GULP1: variants seen among roughly 807,000 people sequenced by gnomAD.
GULP1 encodes the protein PTB domain-containing engulfment adapter protein 1.
In GULP1, 19 loss-of-function variants were observed where a neutral mutation model predicts 40.9. That is an observed-to-expected ratio of 0.46 (90% CI 0.32 to 0.68). GULP1 has a LOEUF of 0.68. GULP1 is among the 30% of genes least tolerant of loss of function. The pLI is 0.03. For missense variants in GULP1, 312 were observed against 362.2 expected (o/e 0.86, Z 1.12); for synonymous variants, 119 against 117.6 (o/e 1.01, Z -0.08).
intron 1 of GULP1, among the ~76,000 whole-genome samples, chr2:188,352,612 T>TCACACACACACA (rs1265583408): frequency 9.4e-5 from 4 of 42,540 alleles, no homozygotes; most frequent in African/African-American, 6.6e-4. Flanking sequence ...TCTCTCTCTC[T>TCACACACACACA]CTCTCTCACA....
At chr2:188,340,559 TGC>T (rs2042828179) in intron 1 of GULP1, among the ~76,000 whole-genome samples, 1 of 152,188 alleles carries the variant, frequency 6.6e-6, no homozygotes, top group African/African-American at 2.4e-5. Context: ...GGGCTTGTGT[TGC>T]CATGTGCTCT....
intron 4 of GULP1, among the ~76,000 whole-genome samples, chr2:188,501,379 T>C (rs1410618413): frequency 6.6e-6 from 1 of 152,000 alleles, no homozygotes; most frequent in Non-Finnish European, 1.5e-5. Flanking sequence ...GTAAGTATCC[T>C]GAGGCCTTCC....
intron 9 of GULP1, among the ~76,000 whole-genome samples, chr2:188,570,754 A>G (rs909534593): frequency 6.6e-6 from 1 of 152,168 alleles, no homozygotes; most frequent in African/African-American, 2.4e-5. Context: ...AATTTAAAAC[A>G]ATATTTTTTC....
intron 1 of GULP1, among the ~76,000 whole-genome samples, chr2:188,300,961 C>G (rs1351067415): frequency 6.6e-6 from 1 of 152,122 alleles, no homozygotes; most frequent in Non-Finnish European, 1.5e-5. Context: ...AAGCATCAAG[C>G]ACCACTGACA....
At chr2:188,370,781 T>C (rs568874834) in intron 1 of GULP1, among the ~76,000 whole-genome samples, 1 of 152,258 alleles carries the variant, frequency 6.6e-6, no homozygotes, top group African/African-American at 2.4e-5. Context: ...AAAAGCACAG[T>C]TAGCATTTTT....
intron 4 of GULP1, among the ~76,000 whole-genome samples, chr2:188,498,279 A>G (rs1471079804): frequency 6.6e-6 from 1 of 151,904 alleles, no homozygotes; most frequent in Non-Finnish European, 1.5e-5. Context: ...ACACTACTTC[A>G]GTTGCATTTC....
chr2:188,528,788 A>G (rs962459636), intron 5 of GULP1, among the ~76,000 whole-genome samples: 4 of 152,184 alleles, frequency 2.6e-5, no homozygotes, highest in African/African-American at 9.6e-5. Context: ...ACTGATCTCT[A>G]CATATCTTCC....
intron 6 of GULP1, among the ~76,000 whole-genome samples, chr2:188,532,625 A>G (rs1241947827): frequency 1.3e-5 from 2 of 152,042 alleles, no homozygotes; most frequent in Non-Finnish European, 2.9e-5. Context: ...CCAATGAAAG[A>G]TATGTGAACT....
At chr2:188,465,744 A>G (rs540569033) in intron 2 of GULP1, among the ~76,000 whole-genome samples, 26 of 152,106 alleles carry the variant, frequency 1.7e-4, no homozygotes, top group East Asian at 5.8e-4. Flanking sequence ...ACTGAGTTCA[A>G]TGCCTCAGAA....
chr2:188,434,128 A>T (rs998320265), intron 2 of GULP1, among the ~76,000 whole-genome samples: 1 of 152,040 alleles, frequency 6.6e-6, no homozygotes, highest in Non-Finnish European at 1.5e-5. Flanking sequence ...CGCATGCAGA[A>T]AACAGTTGAT....
In GULP1 at chr2:188,541,247, A is replaced by C; in HGVS notation, c.328A>C (p.Ile110Leu). Residue 110 changes from isoleucine to leucine, a missense_variant, in exon 7 of 12, where the codon ATA (isoleucine) becomes CTA (leucine). Ile to Leu is a conservative substitution (Grantham distance 5). Coordinates refer to ENST00000409830, the MANE Select transcript of GULP1 (RefSeq NM_016315.4). ...FCADDKTDKR[I>L]FTFICKDSES... is the part of the protein sequence containing the mutation. ...TGCAGATGATAAAACTGACAAGAGGATATTCACTTTCATATGCAAAGATTC... is the reference window on the plus strand; with the variant it reads ...TGCAGATGATAAAACTGACAAGAGGCTATTCACTTTCATATGCAAAGATTC... The C allele has an allele frequency of 6.2e-7, 1 of 1,610,860 alleles. No homozygotes were observed.
At chr2:188,458,180 C>T (rs1275757489) in intron 2 of GULP1, among the ~76,000 whole-genome samples, 1 of 152,114 alleles carries the variant, frequency 6.6e-6, no homozygotes, top group Non-Finnish European at 1.5e-5. Context: ...GAATGAATTG[C>T]TTCTGTTCAT....
chr2:188,559,568 T>G (rs1695713556), intron 7 of GULP1, among the ~76,000 whole-genome samples: 1 of 152,140 alleles, frequency 6.6e-6, no homozygotes, highest in Admixed American at 6.5e-5. Context: ...GCTTTTGATT[T>G]TACAGGCTCA....
chr2:188,362,743 T>G (rs866459756), intron 1 of GULP1, among the ~76,000 whole-genome samples: 1 of 151,688 alleles, frequency 6.6e-6, no homozygotes, highest in Non-Finnish European at 1.5e-5. Context: ...TGGGTGTAGA[T>G]CCTTTCCATT....
At chr2:188,349,382 A>G (rs556230269) in intron 1 of GULP1, among the ~76,000 whole-genome samples, 1 of 152,218 alleles carries the variant, frequency 6.6e-6, no homozygotes, top group African/African-American at 2.4e-5. Context: ...GAGGGTTCCA[A>G]TTTCTTTTCA....
intron 2 of GULP1, among the ~76,000 whole-genome samples, chr2:188,409,720 GCATAC>G (rs1448644613): frequency 6.6e-6 from 1 of 152,090 alleles, no homozygotes; most frequent in African/African-American, 2.4e-5. Context: ...CAAAATACTA[GCATAC>G]TGAATTCAAC....
chr2:188,521,252 A>G (rs7423554), intron 4 of GULP1, among the ~76,000 whole-genome samples: 136,429 of 152,206 alleles, frequency 0.9, 62,188 homozygotes, highest in South Asian at 0.99. Context: ...TTGGTATTGA[A>G]CATTTAGTGA....
chr2:188,360,176 A>G (rs1202868719), intron 1 of GULP1, among the ~76,000 whole-genome samples: 1 of 152,012 alleles, frequency 6.6e-6, no homozygotes, highest in Non-Finnish European at 1.5e-5. Context: ...TCATTCTTAG[A>G]TTCTCTGGTT....
intron 10 of GULP1, among the ~76,000 whole-genome samples, chr2:188,585,149 C>T (rs1702108557): frequency 6.6e-6 from 1 of 152,184 alleles, no homozygotes; most frequent in African/African-American, 2.4e-5. Flanking sequence ...TCATTTTACT[C>T]CATGTGTCAC....
Sources: gnomAD v4.1 joint callset for allele counts (sites outside exome capture counted in the v4.1 genomes callset) on GRCh38, gnomAD v4.1.1 for gene constraint, MANE v1.5 for transcripts, NCBI Gene and HGNC (gene_info 2026-07-23, HGNC 2026-07-21) for gene names.